The following CAMK4 variants were observed in gnomAD, a reference collection of about 807,000 sequenced individuals.
The protein encoded by CAMK4 is calcium/calmodulin dependent protein kinase IV.
Under a neutral mutation model 44.9 loss-of-function variants are expected in CAMK4, and 22 were observed. The observed-to-expected ratio is 0.49, with a 90% CI of 0.35 to 0.70. CAMK4 has a LOEUF of 0.70. Among genes scored for constraint, CAMK4 ranks in the 30% least tolerant of loss-of-function variants. The pLI, the probability that CAMK4 is intolerant of heterozygous loss-of-function variation, is 0.01. For missense variants in CAMK4, 498 were observed against 586.8 expected, an observed-to-expected ratio of 0.85 and a Z score of 1.56; for synonymous variants, 218 against 215.4, an observed-to-expected ratio of 1.01 and a Z score of -0.11.
At chr5:111,431,506 A>G (rs1345937113) in intron 5 of CAMK4, among the ~76,000 whole-genome samples, 2 of 152,168 alleles carry the variant, frequency 1.3e-5, no homozygotes, top group African/African-American at 4.8e-5. Flanking sequence ...AAACATGGAC[A>G]TGCAGGATTA....
Position 111,449,264 on chromosome 5 carries a change from CA to C in CAMK4, c.625+63del, listed in dbSNP as rs1278033628. Reference sequence around the variant, plus strand: ...TTATTTGAAATGTATTTTTGTTTAGCAATCTCATTTTTAAAAATTCCTAATA... The same window carrying C: ...TTATTTGAAATGTATTTTTGTTTAGCATCTCATTTTTAAAAATTCCTAATA... On this transcript the variant is annotated intron_variant, in intron 7 of 10. Transcript: ENST00000282356. 6 of 782,162 alleles carry C rather than the reference CA, an allele frequency of 7.7e-6. No homozygotes were observed. The African/African-American group carries it at 1.1e-4, about 14-fold the overall frequency. 48.5% of individuals were successfully genotyped at this position (782,162 alleles called of 1,614,324 possible).
At chr5:111,451,696 G>C (rs1754242553) in intron 7 of CAMK4, among the ~76,000 whole-genome samples, 1 of 151,890 alleles carries the variant, frequency 6.6e-6, no homozygotes, top group African/African-American at 2.4e-5. Context: ...TTGAGGGTCA[G>C]AATTCAAGAC....
chr5:111,223,884 G>A (rs968195045), upstream of CAMK4: 8 of 152,666 alleles, frequency 5.2e-5, no homozygotes, highest in African/African-American at 1.9e-4. This position sits in a 1 kb window ranked among gnomAD's most constrained non-coding sequence, Gnocchi z 4.3. Context: ...CCACGGAGAC[G>A]CGCTCAAGGA....
intron 5 of CAMK4, among the ~76,000 whole-genome samples, chr5:111,415,831 A>ACAAAATAAT (rs1402808991): frequency 3.9e-5 from 6 of 152,220 alleles, no homozygotes; most frequent in African/African-American, 1.4e-4. Flanking sequence ...AAAAATAATA[A>ACAAAATAAT]AGAATAACAA....
At position 111,478,454 on chromosome 5, in the gene CAMK4, T is replaced by C. The variant is rs1755321386; in HGVS notation, c.775T>C (p.Tyr259His). Residue 259 changes from tyrosine (Y) to histidine (H), a missense_variant, in exon 9 of 11, where the codon TAT becomes CAT. Coordinates refer to ENST00000282356, the MANE Select transcript of CAMK4 (RefSeq NM_001744.6). Reference sequence around the variant, plus strand: ...GTTCAGGAGAATTCTGAATTGTGAATATTACTTTATCTCCCCCTGGTGGGA... The same window carrying C: ...GTTCAGGAGAATTCTGAATTGTGAACATTACTTTATCTCCCCCTGGTGGGA... ...FMFRRILNCEYYFISPWWDEV... is the reference protein window; with the variant it reads ...FMFRRILNCEHYFISPWWDEV... The C allele has an allele frequency of 6.4e-7, 1 of 1,562,082 alleles. No homozygotes were observed. The highest frequency in any genetic ancestry group is 1.4e-5 in the African/African-American group (1 of 73,814).
intron 2 of CAMK4, among the ~76,000 whole-genome samples, chr5:111,348,640 C>A (rs984665278): frequency 9.3e-5 from 14 of 151,238 alleles, no homozygotes; most frequent in Non-Finnish European, 2.1e-4. Flanking sequence ...TAAACAACAA[C>A]AAAAAAAATG....
intron 5 of CAMK4, among the ~76,000 whole-genome samples, chr5:111,440,609 G>A (rs1335461154): frequency 1.6e-5 from 2 of 123,104 alleles, no homozygotes; most frequent in Non-Finnish European, 4.1e-5. Context: ...AAGATTTGTG[G>A]CAAATTAAAT....
intron 5 of CAMK4, among the ~76,000 whole-genome samples, chr5:111,439,508 T>C (rs969502231): frequency 2.6e-5 from 4 of 152,172 alleles, no homozygotes; most frequent in African/African-American, 9.7e-5. Flanking sequence ...CTTGGTCAAT[T>C]GGATCGTATC....
At position 111,445,666 on chromosome 5, in the gene CAMK4, G is replaced by A. The variant is rs73218020; in HGVS notation, c.460-1020G>A. Among the ~76,000 whole-genome samples the A allele has an allele frequency of 4.5e-3, 682 of 152,172 alleles. 5 individuals are homozygous for A. Among genetic ancestry groups the A allele is most frequent in the African/African-American group, 0.016 (661 of 41,502 alleles). On this transcript the variant is annotated intron_variant, in intron 5 of 10. Coordinates refer to ENST00000282356, the MANE Select transcript of CAMK4 (RefSeq NM_001744.6). ...TGGTCTCGAACTCCTGGACTCAAAC[G>A]ATCCTTCCACCTCGGCCCACCGAAT...
At chr5:111,308,815 A>G (rs1476948061) in intron 1 of CAMK4, among the ~76,000 whole-genome samples, 1 of 152,230 alleles carries the variant, frequency 6.6e-6, no homozygotes, top group African/African-American at 2.4e-5. Flanking sequence ...TTTATTTTGA[A>G]GTAAAGGGAA....
chr5:111,444,136 ATC>A (rs1753948066), intron 5 of CAMK4, among the ~76,000 whole-genome samples: 3 of 152,054 alleles, frequency 2.0e-5, no homozygotes, highest in African/African-American at 7.2e-5. Context: ...TTCATTGAGC[ATC>A]TCCTTGGGAA....
At chr5:111,251,894 CTT>C (rs3066630) in intron 1 of CAMK4, among the ~76,000 whole-genome samples, 1 of 150,162 alleles carries the variant, frequency 6.7e-6, no homozygotes, top group African/African-American at 2.4e-5. Flanking sequence ...GGTTCACTGA[CTT>C]TTTTTTTTAA....
chr5:111,406,194 TTCTCTCTCTCTCTCTC>T lies in CAMK4; in HGVS notation c.459+11427_459+11442del. Among the ~76,000 whole-genome samples, 3 of 136,852 alleles carry T rather than the reference TTCTCTCTCTCTCTCTC, an allele frequency of 2.2e-5. No individual in the cohort carries two copies. In the South Asian group the frequency reaches 7.6e-4, roughly 35 times the overall value. The allele number at this position is 136,852 out of a possible 152,430, so 89.8% of individuals were successfully genotyped here. A position where few individuals can be genotyped will look rare whatever the true frequency, so the allele number is the denominator to read the frequency against. On this transcript the variant is annotated intron_variant, in intron 5 of 10. Coordinates refer to ENST00000282356, the MANE Select transcript of CAMK4 (RefSeq NM_001744.6). ...TCCTGTTTCCTTCTCCTAATTTATT[TTCTCTCTCTCTCTCTC>T]TCTCTCTCTCTCTCGTTTTTGGTTT...
At chr5:111,255,253 T>A (rs1250943616) in intron 1 of CAMK4, among the ~76,000 whole-genome samples, 1 of 152,166 alleles carries the variant, frequency 6.6e-6, no homozygotes, top group African/African-American at 2.4e-5. Flanking sequence ...GGTCTGCCCA[T>A]CCTGTGCCAT....
At chr5:111,432,670 A>G (rs978639113) in intron 5 of CAMK4, among the ~76,000 whole-genome samples, 6 of 148,408 alleles carry the variant, frequency 4.0e-5, no homozygotes, top group South Asian at 2.1e-4. Flanking sequence ...GTGTATATAT[A>G]TATATATATA....
intron 1 of CAMK4, among the ~76,000 whole-genome samples, chr5:111,238,678 T>C (rs1414609996): frequency 6.7e-6 from 1 of 150,134 alleles, no homozygotes; most frequent in Non-Finnish European, 1.5e-5. Flanking sequence ...AGTGATCTGC[T>C]CTTCTTTCTC....
chr5:111,390,070 AT>A (rs1441505898), intron 4 of CAMK4, among the ~76,000 whole-genome samples: 1 of 152,176 alleles, frequency 6.6e-6, no homozygotes, highest in Non-Finnish European at 1.5e-5. Flanking sequence ...CTAATCATGA[AT>A]TGGAAAATTT....
At chr5:111,330,250 C>T (rs1051388896) in intron 1 of CAMK4, among the ~76,000 whole-genome samples, 6 of 151,388 alleles carry the variant, frequency 4.0e-5, no homozygotes, top group Non-Finnish European at 7.4e-5. Flanking sequence ...ATTATAATTA[C>T]ATCAAGAAAT....
intron 1 of CAMK4, among the ~76,000 whole-genome samples, chr5:111,285,381 A>T (rs1359946826): frequency 2.0e-5 from 3 of 152,228 alleles, no homozygotes; most frequent in Non-Finnish European, 4.4e-5. Flanking sequence ...ATGTGATTTT[A>T]ATGAAAATCA....
Sources: allele counts gnomAD v4.1 joint callset (sites outside exome capture counted in the v4.1 genomes callset), GRCh38; gene constraint gnomAD v4.1.1; non-coding constraint Gnocchi (gnomAD v3.1); transcripts MANE v1.5; gene names NCBI Gene and HGNC (gene_info 2026-07-23, HGNC 2026-07-21).